The following UBE2L3 variants were observed in gnomAD, a reference collection of about 807,000 sequenced individuals.
The protein encoded by UBE2L3 is ubiquitin-conjugating enzyme E2 L3.
Under a neutral mutation model 17.8 loss-of-function variants are expected in UBE2L3, and 1 was observed. The observed-to-expected ratio is 0.06, with a 90% confidence interval of 0.02 to 0.27. UBE2L3 has a LOEUF of 0.27. UBE2L3 is among the 10% of genes least tolerant of loss of function. UBE2L3 has a pLI of 1.00. For missense variants in UBE2L3, 40 were observed against 192.6 expected (o/e 0.21, Z 4.69); for synonymous variants, 44 against 68.5 (o/e 0.64, Z 1.76).
At chr22:21,563,146 G>T (rs1231392193), upstream of UBE2L3, among the ~76,000 whole-genome samples, 1 of 151,408 alleles carries the variant, frequency 6.6e-6, no homozygotes, top group Admixed American at 6.6e-5. Flanking sequence ...GGAGGCTGGG[G>T]CAGGAAAATC....
chr22:21,583,356 C>CAG lies in UBE2L3; in HGVS notation c.28-9504_28-9503dup, dbSNP rs1961766281. ...CTCAGTTCTTTTAACCCACCCTCAA[C>CAG]AGCCAAGAAAAGTGGCCTTAAGCTT... On this transcript the variant is annotated intron_variant, in intron 1 of 3. Coordinates refer to ENST00000342192, the MANE Select transcript of UBE2L3 (RefSeq NM_003347.4). Among the ~76,000 whole-genome samples, 3 of 152,358 alleles carry CAG rather than the reference C, an allele frequency of 2.0e-5. No individual in the cohort carries two copies. The South Asian group carries it at 6.2e-4, about 32-fold the overall frequency.
Position 21,575,553 on chromosome 22 carries a change from C to A in UBE2L3, c.27+7782C>A, listed in dbSNP as rs576659462. Among the ~76,000 whole-genome samples, 9 of 142,964 alleles carry A rather than the reference C, an allele frequency of 6.3e-5. 1 individual carries two copies. The South Asian group carries it at 2.0e-3, about 31-fold the overall frequency. 93.8% of individuals were successfully genotyped at this position (142,964 alleles called of 152,430 possible). The stretch of plus-strand genomic sequence containing the variant: ...GCAGTGAGCTGAGATGGTGCCACTG[C>A]GCTCCAGCCTGGGTGATAGAGCGAG... On this transcript the variant is annotated intron_variant, in intron 1 of 3. Coordinates refer to ENST00000342192, the MANE Select transcript of UBE2L3 (RefSeq NM_003347.4).
intron 1 of UBE2L3, among the ~76,000 whole-genome samples, chr22:21,579,367 C>T (rs1927503770): frequency 6.6e-6 from 1 of 152,120 alleles, no homozygotes; most frequent in Non-Finnish European, 1.5e-5. Context: ...GGGATGATGT[C>T]TTGGCATGGG....
chr22:21,568,252 G>T lies in UBE2L3; in HGVS notation c.27+481G>T, dbSNP rs1244935385. 6.1e-6 allele frequency: 6 copies of T among 987,276 alleles called. No individual in the cohort carries two copies. The African/African-American group carries it at 8.7e-5, about 14-fold the overall frequency. 61.2% of individuals were successfully genotyped at this position (987,276 alleles called of 1,614,324 possible). A position where few individuals can be genotyped will look rare whatever the true frequency, so the allele number is the denominator to read the frequency against. Reference sequence around the variant, plus strand: ...CCGGCCGCAGCTCGGGAGTCTGGGAGGTTCGGGCTAGGAAAGAGAGAAGGA... The same window carrying T: ...CCGGCCGCAGCTCGGGAGTCTGGGATGTTCGGGCTAGGAAAGAGAGAAGGA... On this transcript the variant is annotated intron_variant, in intron 1 of 3. Coordinates refer to ENST00000342192, the MANE Select transcript of UBE2L3 (RefSeq NM_003347.4).
At chr22:21,602,674 C>T (rs1928929234) in intron 2 of UBE2L3, among the ~76,000 whole-genome samples, 1 of 152,188 alleles carries the variant, frequency 6.6e-6, no homozygotes, top group South Asian at 2.1e-4. Context: ...GTCTTAGCTG[C>T]CACAAAATGG....
At chr22:21,583,406 G>A (rs1357175253) in intron 1 of UBE2L3, among the ~76,000 whole-genome samples, 1 of 152,198 alleles carries the variant, frequency 6.6e-6, no homozygotes, top group Non-Finnish European at 1.5e-5. Context: ...GATACTACAG[G>A]CCTTTTGCCA....
chr22:21,599,503 G>C (rs1164854340), intron 2 of UBE2L3, among the ~76,000 whole-genome samples: 1 of 152,088 alleles, frequency 6.6e-6, no homozygotes, highest in Non-Finnish European at 1.5e-5. Context: ...TGGAATCCAT[G>C]GTCTCTTAAG....
intron 3 of UBE2L3, 34 bp downstream of exon 3, chr22:21,611,077 G>C: frequency 6.5e-7 from 1 of 1,543,020 alleles, no homozygotes; most frequent in Non-Finnish European, 8.7e-7. Context: ...CTCGGAGGGG[G>C]TCTTTGGGGG....
At chr22:21,583,745 G>A (rs372759878) in intron 1 of UBE2L3, among the ~76,000 whole-genome samples, 2 of 152,322 alleles carry the variant, frequency 1.3e-5, no homozygotes, top group East Asian at 1.9e-4. Flanking sequence ...CTTAGACCAC[G>A]TGAAGGTAGC....
At chr22:21,616,788 T>C (rs1055070605) in intron 3 of UBE2L3, among the ~76,000 whole-genome samples, 31 of 150,460 alleles carry the variant, frequency 2.1e-4, no homozygotes, top group African/African-American at 7.3e-4. Context: ...GGCTACAACA[T>C]TGCATATCTT....
chr22:21,603,964 T>C (rs1327828917), intron 2 of UBE2L3, among the ~76,000 whole-genome samples: 2 of 146,310 alleles, frequency 1.4e-5, no homozygotes, highest in Non-Finnish European at 3.0e-5. Flanking sequence ...GAGGCTGGAA[T>C]GCAGTGGTGT....
chr22:21,555,484 A>G (rs1336731173), intron 1 of UBE2L3: 2 of 153,178 alleles, frequency 1.3e-5, no homozygotes, highest in Non-Finnish European at 2.9e-5. Context: ...TTAGCTAAGC[A>G]TTGTGGCGCA....
chr22:21,600,039 C>T (rs1928770977), intron 2 of UBE2L3, among the ~76,000 whole-genome samples: 1 of 152,184 alleles, frequency 6.6e-6, no homozygotes, highest in Non-Finnish European at 1.5e-5. Context: ...TGGCCGGGCG[C>T]GGTGGCTCAT....
intron 2 of UBE2L3, among the ~76,000 whole-genome samples, chr22:21,593,468 CTTT>C (rs900412558): frequency 6.6e-6 from 1 of 152,110 alleles, no homozygotes; most frequent in Non-Finnish European, 1.5e-5. Context: ...CACCCCATGT[CTTT>C]TCTGGGGCTT....
chr22:21,620,929 GA>G (rs1170409967), intron 3 of UBE2L3, among the ~76,000 whole-genome samples: 2 of 152,182 alleles, frequency 1.3e-5, no homozygotes, highest in Non-Finnish European at 2.9e-5. Flanking sequence ...CTGCCCTGAA[GA>G]AAGTGACCCT....
At chr22:21,569,684 T>C (rs955212275) in intron 1 of UBE2L3, among the ~76,000 whole-genome samples, 16 of 152,248 alleles carry the variant, frequency 1.1e-4, no homozygotes, top group Non-Finnish European at 2.1e-4. Flanking sequence ...CCTCACCTCC[T>C]GCCCTTTGGT....
chr22:21,600,189 T>A (rs1329399265), intron 2 of UBE2L3, among the ~76,000 whole-genome samples: 2 of 151,622 alleles, frequency 1.3e-5, no homozygotes, highest in Non-Finnish European at 2.9e-5. Flanking sequence ...GGTGGGCGCC[T>A]GTAATCCCAG....
At chr22:21,556,347 A>T (rs182723342) in intron 1 of UBE2L3, among the ~76,000 whole-genome samples, 1 of 152,350 alleles carries the variant, frequency 6.6e-6, no homozygotes, top group African/African-American at 2.4e-5. Flanking sequence ...GTGAGCAATG[A>T]TCATGCCACT....
chr22:21,572,529 A>G (rs1927036345), intron 1 of UBE2L3, among the ~76,000 whole-genome samples: 1 of 151,774 alleles, frequency 6.6e-6, no homozygotes, highest in Admixed American at 6.6e-5. Flanking sequence ...CTGTTGCTTT[A>G]AAATTTTATT....
Sources: allele counts gnomAD v4.1 joint callset (sites outside exome capture counted in the v4.1 genomes callset), GRCh38; gene constraint gnomAD v4.1.1; transcripts MANE v1.5; gene names NCBI Gene and HGNC (gene_info 2026-07-23, HGNC 2026-07-21).